Variants in CD300E observed in about 807,000 individuals in gnomAD.
CD300E encodes CD300e molecule.
In CD300E, 14 loss-of-function variants were observed where a neutral mutation model predicts 20.9. That is an observed-to-expected ratio of 0.67 (90% CI 0.44 to 1.05). The LOEUF (loss-of-function observed/expected upper bound fraction) is 1.05, where lower values mean the gene tolerates loss of function less well. Ranked by LOEUF, CD300E falls within the 50% of genes least tolerant of loss-of-function variation. CD300E has a pLI of 0.00. For synonymous variants in CD300E, 102 were observed against 103.7 expected, an observed-to-expected ratio of 0.98 and a Z score of 0.10; for missense variants, 237 against 253.9, an observed-to-expected ratio of 0.93 and a Z score of 0.45.
intron 1 of CD300E, among the ~76,000 whole-genome samples, chr17:74,619,897 C>A (rs1326297656): frequency 6.6e-6 from 1 of 152,172 alleles, no homozygotes; most frequent in East Asian, 1.9e-4. Context: ...TATTGGGAAC[C>A]CCAAACCTAG....
At chr17:74,612,935 C>T (rs1476342515) in intron 3 of CD300E, among the ~76,000 whole-genome samples, 162 bp from the exon 4 acceptor site, 1 of 152,232 alleles carries the variant, frequency 6.6e-6, no homozygotes, top group Non-Finnish European at 1.5e-5. Flanking sequence ...CCCCATCCCT[C>T]CTTCTCCCTC....
intron 1 of CD300E, among the ~76,000 whole-genome samples, chr17:74,621,281 G>A (rs1264256765): frequency 6.6e-6 from 1 of 152,184 alleles, no homozygotes; most frequent in Non-Finnish European, 1.5e-5. Flanking sequence ...GATCCATGCT[G>A]TTGATAACAT....
rs1392084233 is a variant in CD300E, at chr17:74,610,257, T to G, written c.*2396A>C. The G allele has an allele frequency of 1.3e-5, 2 of 152,420 alleles. No homozygotes were observed. Among genetic ancestry groups the G allele is most frequent in the East Asian group, 3.9e-4 (2 of 5,186 alleles). 9.4% of individuals were successfully genotyped at this position (152,420 alleles called of 1,614,324 possible). A position where few individuals can be genotyped will look rare whatever the true frequency, so the allele number is the denominator to read the frequency against. On this transcript the variant is annotated 3_prime_UTR_variant, in exon 4 of 4. Transcript: ENST00000392619. ...GATTCTGCTCCAGCACCTTGATCAA[T>G]GTCTTCCTCCTACCCTTTGTCTTTA...
At chr17:74,615,568 C>CT (rs1417664884) in intron 2 of CD300E, among the ~76,000 whole-genome samples, 2 of 152,156 alleles carry the variant, frequency 1.3e-5, no homozygotes, top group African/African-American at 4.8e-5. Context: ...CATTTTCTCA[C>CT]TTTTTTTCCC....
At position 74,611,352 on chromosome 17, in the gene CD300E, C is replaced by T. The variant is rs1284292023; in HGVS notation, c.*1301G>A. ...CCATGTGCTCTGGACACTGGCATCA[C>T]TAGCTCAGGATGAGCTCAGGCCTGG... On this transcript the variant is annotated 3_prime_UTR_variant, in exon 4 of 4. Transcript: ENST00000392619. The T allele has an allele frequency of 6.6e-6, 1 of 152,310 alleles. No homozygotes were observed. The highest frequency in any genetic ancestry group is 2.4e-5 in the African/African-American group (1 of 41,456). 9.4% of individuals were successfully genotyped at this position (152,310 alleles called of 1,614,324 possible).
At position 74,623,713 on chromosome 17, in the gene CD300E, C is replaced by T. The variant is rs948364980; in HGVS notation, c.-92G>A. On this transcript the variant is annotated 5_prime_UTR_variant, in exon 1 of 4. Coordinates refer to ENST00000392619, the MANE Select transcript of CD300E (RefSeq NM_181449.3). ...CGGAGCCTGGGTCATCCACTTTCTACTTGTCCAAGTTTCCTTTGTGTTCTC... is the reference window on the plus strand; with the variant it reads ...CGGAGCCTGGGTCATCCACTTTCTATTTGTCCAAGTTTCCTTTGTGTTCTC... 2.2e-6 allele frequency: 3 copies of T among 1,352,718 alleles called. No homozygotes were observed. The highest frequency in any genetic ancestry group is 1.7e-5 in the Admixed American group (1 of 59,590). The allele number at this position is 1,352,718 out of a possible 1,614,324, so 83.8% of individuals were successfully genotyped here. A position where few individuals can be genotyped will look rare whatever the true frequency, so the allele number is the denominator to read the frequency against.
Position 74,612,753 on chromosome 17 carries a change from T to G in CD300E, c.518A>C (p.His173Pro). 1.2e-6 allele frequency: 2 copies of G among 1,613,820 alleles called. No homozygotes were observed. Among genetic ancestry groups the G allele is most frequent in the Non-Finnish European group, 1.7e-6 (2 of 1,179,942 alleles). ...CTTCAGAAGGACCACGAGCAGGAAG[T>G]GAGGGCTGCTGAGCCGGAACCTGTG... ...QNSGFRLSSPHFLLVVLLKLP... is the reference protein window; with the variant it reads ...QNSGFRLSSPPFLLVVLLKLP... The change falls in exon 4 of 4, where the codon CAC becomes CCC. Residue 173 changes from histidine to proline, a missense_variant. His to Pro is a moderately conservative substitution (Grantham distance 77). Coordinates refer to ENST00000392619, the MANE Select transcript of CD300E (RefSeq NM_181449.3).
intron 1 of CD300E, among the ~76,000 whole-genome samples, chr17:74,622,841 G>A (rs1056918062): frequency 1.3e-5 from 2 of 152,032 alleles, no homozygotes; most frequent in Middle Eastern, 3.4e-3. Flanking sequence ...AAGTTCAAGC[G>A]ATCCTCCTGC....
intron 1 of CD300E, among the ~76,000 whole-genome samples, chr17:74,620,814 G>A (rs2031004930): frequency 6.6e-6 from 1 of 152,138 alleles, no homozygotes; most frequent in African/African-American, 2.4e-5. Context: ...AAAAGATAAA[G>A]GCCAAGGTGA....
At chr17:74,623,016 G>A (rs2031053005) in intron 1 of CD300E, among the ~76,000 whole-genome samples, 1 of 152,246 alleles carries the variant, frequency 6.6e-6, no homozygotes, top group African/African-American at 2.4e-5. Context: ...GGGATTACAG[G>A]CGTGAGCCAC....
At chr17:74,618,428 CAAT>C (rs1002449150) in intron 1 of CD300E, among the ~76,000 whole-genome samples, 2 of 152,072 alleles carry the variant, frequency 1.3e-5, no homozygotes, top group African/African-American at 4.8e-5. Context: ...CCTGAGTTCA[CAAT>C]AAGAGGATGA....
At chr17:74,623,516 A>G in intron 1 of CD300E, 66 bp downstream of exon 1, 16 of 1,530,622 alleles carry the variant, frequency 1.0e-5, no homozygotes, top group Non-Finnish European at 1.3e-5. Context: ...TGAACCCAGG[A>G]CAGCTCTTCT....
Position 74,617,346 on chromosome 17 carries a change from A to G in CD300E, c.160T>C (p.Tyr54His), listed in dbSNP as rs2030925572. ...ACAATGCTCTCACATGACGTGTCGT[A>G]CTGTCCTCGGCACCAGTACTTGTTA... ...GYNKYWCRGQ[Y>H]DTSCESIVET... The change falls in exon 2 of 4, where the codon TAC becomes CAC. Residue 54 changes from tyrosine to histidine, a missense_variant. Physicochemically the swap from Tyr to His is moderately conservative, Grantham distance 83. Transcript: ENST00000392619. 1 of 1,614,138 alleles carries G rather than the reference A, an allele frequency of 6.2e-7. No homozygotes were observed. The highest frequency in any genetic ancestry group is 1.1e-5 in the South Asian group (1 of 91,072).
In CD300E at chr17:74,617,259, C is replaced by G; in HGVS notation, c.247G>C (p.Glu83Gln). 1 of 1,614,240 alleles carries G rather than the reference C, an allele frequency of 6.2e-7. No individual in the cohort carries two copies. The highest frequency in any genetic ancestry group is 8.5e-7 in the Non-Finnish European group (1 of 1,180,052). Residue 83 changes from glutamate (E) to glutamine (Q), a missense_variant, in exon 2 of 4, where the codon GAG (glutamate) becomes CAG (glutamine). Coordinates refer to ENST00000392619, the MANE Select transcript of CD300E (RefSeq NM_181449.3). ...ATGGTCACAGTGAAGGCGAGAGCCT[C>G]CGGGTGGTCTCTGATGGACACGCGG... ...NGRVSIRDHP[E>Q]ALAFTVTMQN...
At chr17:74,617,950 G>C (rs890183376) in intron 1 of CD300E, among the ~76,000 whole-genome samples, 1 of 152,218 alleles carries the variant, frequency 6.6e-6, no homozygotes, top group Non-Finnish European at 1.5e-5. Context: ...TCTCCAGAAA[G>C]AATCAACATG....
intron 1 of CD300E, among the ~76,000 whole-genome samples, chr17:74,620,770 C>A (rs1477658064): frequency 6.6e-6 from 1 of 152,132 alleles, no homozygotes; most frequent in African/African-American, 2.4e-5. Flanking sequence ...AGGCAACTTG[C>A]AGAGGGGAGA....
chr17:74,623,318 T>G (rs537085306), intron 1 of CD300E, among the ~76,000 whole-genome samples: 82 of 152,322 alleles, frequency 5.4e-4, no homozygotes, highest in African/African-American at 1.9e-3. Flanking sequence ...CACATTGTAT[T>G]GTAGTTAGTT....
rs138762987 is a variant in CD300E at position 74,618,515 on chromosome 17, G to T, written c.41-1050C>A. 3.8e-3 allele frequency among the ~76,000 whole-genome samples: 578 copies of T among 152,208 alleles called. 5 individuals carry two copies. The highest frequency in any genetic ancestry group is 0.013 in the African/African-American group (543 of 41,506). On this transcript the variant is annotated intron_variant, in intron 1 of 3. Coordinates refer to ENST00000392619, the MANE Select transcript of CD300E (RefSeq NM_181449.3). Reference sequence around the variant, plus strand: ...TGTGAAAGAGCCCCTGGCATCTGTGGGTCCTATGACTATCTGGGCTCCTGA... The same window carrying T: ...TGTGAAAGAGCCCCTGGCATCTGTGTGTCCTATGACTATCTGGGCTCCTGA...
chr17:74,622,241 G>T (rs1311445397), intron 1 of CD300E, among the ~76,000 whole-genome samples: 1 of 151,944 alleles, frequency 6.6e-6, no homozygotes, highest in Non-Finnish European at 1.5e-5. Flanking sequence ...GCGAGTCTGA[G>T]GATGGGGAAT....
Sources: gnomAD v4.1 joint callset for allele counts (sites outside exome capture counted in the v4.1 genomes callset) on GRCh38, gnomAD v4.1.1 for gene constraint, MANE v1.5 for transcripts, NCBI Gene and HGNC (gene_info 2026-07-23, HGNC 2026-07-21) for gene names.